Variants in CACNB2 observed in about 807,000 individuals in gnomAD.
CACNB2 encodes voltage-dependent L-type calcium channel subunit beta-2.
A neutral mutation model predicts 73.3 loss-of-function variants in CACNB2; 42 were observed. The ratio of observed to expected loss-of-function variants is 0.57; its 90% CI spans 0.45 to 0.74. The LOEUF is 0.74. Ranked by LOEUF, CACNB2 falls within the 30% of genes least tolerant of loss-of-function variation. CACNB2 has a pLI of 0.00. For synonymous variants in CACNB2, 348 were observed against 310.3 expected, an observed-to-expected ratio of 1.12 and a Z score of -1.28; for missense variants, 940 against 853.0, an observed-to-expected ratio of 1.10 and a Z score of -1.27.
At chr10:18,299,485 C>CT (rs1293488988) in intron 2 of CACNB2, among the ~76,000 whole-genome samples, 1 of 152,124 alleles carries the variant, frequency 6.6e-6, no homozygotes, top group Non-Finnish European at 1.5e-5. Flanking sequence ...TTTGGATATA[C>CT]TAATTAGTCT....
intron 2 of CACNB2, among the ~76,000 whole-genome samples, chr10:18,167,728 G>A (rs768350481): frequency 6.6e-6 from 1 of 152,160 alleles, no homozygotes; most frequent in Non-Finnish European, 1.5e-5. Context: ...GGGGGTAGCC[G>A]TTGGGGGGAG....
intron 10 of CACNB2, 103 bp downstream of exon 10, chr10:18,527,800 A>G: frequency 1.3e-6 from 1 of 793,088 alleles, no homozygotes; most frequent in Non-Finnish European, 2.2e-6. Context: ...CAGAGTATAG[A>G]AAAAACAGGT....
chr10:18,307,983 C>CTTTTTTGTTTTTTTT (rs2039803979), intron 2 of CACNB2, among the ~76,000 whole-genome samples: 1 of 70,268 alleles, frequency 1.4e-5, no homozygotes, highest in Non-Finnish European at 2.7e-5. Context: ...TATATGCCAA[C>CTTTTTTGTTTTTTTT]TTTTTTTTTT....
Position 18,140,662 on chromosome 10 carries a change from C to G in CACNB2, c.-75C>G. 3.8e-6 allele frequency: 5 copies of G among 1,326,858 alleles called. No homozygotes were observed. The highest frequency in any genetic ancestry group is 5.3e-6 in the Non-Finnish European group (5 of 944,052). 82.2% of individuals were successfully genotyped at this position (1,326,858 alleles called of 1,614,324 possible). ...GCGGCCCCCAGAGCCGATCAGAGCG[C>G]GGGGAGGCGGGGGCGAGGAGGAGGG... On this transcript the variant is annotated 5_prime_UTR_variant, in exon 1 of 14. Coordinates refer to ENST00000324631, the MANE Select transcript of CACNB2 (RefSeq NM_201596.3).
intron 2 of CACNB2, among the ~76,000 whole-genome samples, chr10:18,297,222 A>T (rs145665518): frequency 3.9e-5 from 6 of 152,204 alleles, no homozygotes; most frequent in East Asian, 1.9e-4. Flanking sequence ...CCAGATTTTC[A>T]TCAGTTTTGA....
chr10:18,317,190 A>G (rs773067766), intron 2 of CACNB2, among the ~76,000 whole-genome samples: 2 of 151,348 alleles, frequency 1.3e-5, no homozygotes, highest in Non-Finnish European at 2.9e-5. Context: ...GCTTAATCTA[A>G]TGACTTCCTT....
chr10:18,227,561 A>G (rs1293360963), intron 2 of CACNB2, among the ~76,000 whole-genome samples: 2 of 152,216 alleles, frequency 1.3e-5, no homozygotes, highest in African/African-American at 4.8e-5. Flanking sequence ...CTGAGAAATC[A>G]AAGAGACAGT....
intron 2 of CACNB2, among the ~76,000 whole-genome samples, chr10:18,258,954 T>C (rs991544399): frequency 6.6e-6 from 1 of 152,124 alleles, no homozygotes; most frequent in African/African-American, 2.4e-5. Context: ...GAAATTTTGT[T>C]TTACTCTAGG....
intron 2 of CACNB2, among the ~76,000 whole-genome samples, chr10:18,333,155 G>C (rs2040868799): frequency 6.6e-6 from 1 of 152,122 alleles, no homozygotes; most frequent in Non-Finnish European, 1.5e-5. Flanking sequence ...TGGGGGGATG[G>C]GGAAAAGTCC....
intron 3 of CACNB2, among the ~76,000 whole-genome samples, chr10:18,412,751 A>G (rs551666776): frequency 6.6e-6 from 1 of 152,198 alleles, no homozygotes; most frequent in African/African-American, 2.4e-5. Flanking sequence ...GTGGAAGTCC[A>G]TTCAACCAAA....
At chr10:18,503,196 A>G (rs1196647896) in intron 5 of CACNB2, among the ~76,000 whole-genome samples, 1 of 152,258 alleles carries the variant, frequency 6.6e-6, no homozygotes, top group African/African-American at 2.4e-5. Context: ...TTCTGCCTGC[A>G]GGGTGTTTGA....
chr10:18,484,266 C>T lies in CACNB2; in HGVS notation c.334-14089C>T, dbSNP rs941604469. Among the ~76,000 whole-genome samples the T allele has an allele frequency of 1.1e-4, 16 of 151,774 alleles. 1 individual carries two copies. Among genetic ancestry groups the T allele is most frequent in the African/African-American group, 2.9e-4 (12 of 41,314 alleles). On this transcript the variant is annotated intron_variant, in intron 3 of 13. Transcript: ENST00000324631. ...AAAATTAGCCGGGCGTGGTGGCGGG[C>T]GCCTATAATCCCAGCTACTTGGGAG...
chr10:18,186,301 C>A (rs1345804185), intron 2 of CACNB2, among the ~76,000 whole-genome samples: 2 of 151,982 alleles, frequency 1.3e-5, no homozygotes, highest in African/African-American at 4.8e-5. Context: ...TGCCTGTAAT[C>A]CCAGCTACTT....
intron 3 of CACNB2, among the ~76,000 whole-genome samples, chr10:18,481,230 A>ATATATATATATATTTT (rs1564599797): frequency 5.6e-5 from 1 of 17,990 alleles, no homozygotes; most frequent in African/African-American, 2.4e-4. Flanking sequence ...ATATATATAT[A>ATATATATATATATTTT]TTTTTTTTTT....
rs568619864 is a variant in CACNB2 at position 18,232,140 on chromosome 10, T to C, written c.213+81165T>C. Among the ~76,000 whole-genome samples the C allele has an allele frequency of 9.8e-5, 15 of 152,324 alleles. 1 individual carries two copies. In the South Asian group the frequency reaches 3.1e-3, roughly 32 times the overall value. On this transcript the variant is annotated intron_variant, in intron 2 of 13. Coordinates refer to ENST00000324631, the MANE Select transcript of CACNB2 (RefSeq NM_201596.3). The stretch of plus-strand genomic sequence containing the variant: ...TTTGTTTTTCTTTTGGGGTTGATCA[T>C]TGGAGGAAATATTTAAAACCATAGT...
intron 3 of CACNB2, among the ~76,000 whole-genome samples, chr10:18,413,732 G>A (rs2132651317): frequency 6.6e-6 from 1 of 152,314 alleles, no homozygotes; most frequent in Non-Finnish European, 1.5e-5. Flanking sequence ...CTGACTTTTT[G>A]ATAAATTACA....
chr10:18,315,499 T>TAAAA (rs756721525), intron 2 of CACNB2, among the ~76,000 whole-genome samples: 1,626 of 39,398 alleles, frequency 0.041, 110 homozygotes, highest in Non-Finnish European at 0.053. Flanking sequence ...TGTCTCTATT[T>TAAAA]AAAAAAAAAA....
intron 2 of CACNB2, among the ~76,000 whole-genome samples, chr10:18,254,700 A>G (rs893611965): frequency 1.3e-5 from 2 of 152,216 alleles, no homozygotes; most frequent in Non-Finnish European, 2.9e-5. Flanking sequence ...AGTTCAGTGG[A>G]AGCTGCAAGC....
At chr10:18,457,279 G>A (rs927802662) in intron 3 of CACNB2, among the ~76,000 whole-genome samples, 2 of 151,950 alleles carry the variant, frequency 1.3e-5, no homozygotes, top group South Asian at 2.1e-4. Flanking sequence ...CTATAGAGAC[G>A]GGACCTCTGT....
Sources: allele counts gnomAD v4.1 joint callset (sites outside exome capture counted in the v4.1 genomes callset), GRCh38; gene constraint gnomAD v4.1.1; transcripts MANE v1.5; gene names NCBI Gene and HGNC (gene_info 2026-07-23, HGNC 2026-07-21).